The following TRIM14 variants were observed in gnomAD, a reference collection of about 807,000 sequenced individuals.
TRIM14 encodes tripartite motif-containing protein 14.
TRIM14 carries 28 observed loss-of-function variants against 44.5 expected under a neutral mutation model. The ratio of observed to expected loss-of-function variants is 0.63; its 90% confidence interval spans 0.47 to 0.86. TRIM14 has a LOEUF of 0.86. TRIM14 is among the 40% of genes least tolerant of loss of function. TRIM14 has a pLI of 0.00. For missense variants in TRIM14, 607 were observed against 611.1 expected, an observed-to-expected ratio of 0.99 and a Z score of 0.07; for synonymous variants, 299 against 269.2, an observed-to-expected ratio of 1.11 and a Z score of -1.08.
chr9:98,118,664 C>T (rs1010112506), intron 1 of TRIM14, among the ~76,000 whole-genome samples: 12 of 152,336 alleles, frequency 7.9e-5, no homozygotes, highest in Admixed American at 7.2e-4. Context: ...TCTTCCAGCC[C>T]AATGGCAGTG....
chr9:98,094,034 A>ACGCC (rs1485323163), intron 4 of TRIM14, among the ~76,000 whole-genome samples: 4 of 152,066 alleles, frequency 2.6e-5, no homozygotes, highest in African/African-American at 9.7e-5. Context: ...GTGAGCCACC[A>ACGCC]CGCCCGGCCT....
chr9:98,080,993 G>A (rs1048677960), downstream of TRIM14: 4 of 1,614,210 alleles, frequency 2.5e-6, no homozygotes, highest in Admixed American at 1.7e-5. Flanking sequence ...AGAACTGGCC[G>A]AGCTGGTGCG....
At chr9:98,060,274 C>T in the TRIM14 span, among the ~76,000 whole-genome samples, 2 of 152,188 alleles carry the variant, frequency 1.3e-5, no homozygotes, top group African/African-American at 4.8e-5. Flanking sequence ...GGAGGTCTCC[C>T]ATCTCCAAAC....
chr9:98,060,722 T>C, the TRIM14 span: 9 of 1,514,188 alleles, frequency 5.9e-6, 2 homozygotes, highest in South Asian at 1.0e-4. Flanking sequence ...GCTCCAGAAT[T>C]TTTTCCTTTT....
the TRIM14 span, among the ~76,000 whole-genome samples, chr9:98,063,838 C>A: frequency 6.6e-6 from 1 of 150,588 alleles, no homozygotes; most frequent in African/African-American, 2.4e-5. Context: ...CCACTGCACC[C>A]AGCCTGTTTT....
At chr9:98,105,817 G>GT (rs1205352745) in intron 2 of TRIM14, among the ~76,000 whole-genome samples, 2 of 152,108 alleles carry the variant, frequency 1.3e-5, no homozygotes, top group Admixed American at 1.3e-4. Flanking sequence ...CCTGCATCAA[G>GT]TCAGATCCAC....
intron 3 of TRIM14, among the ~76,000 whole-genome samples, chr9:98,099,707 A>G (rs2118440916): frequency 6.6e-6 from 1 of 152,316 alleles, no homozygotes; most frequent in African/African-American, 2.4e-5. Context: ...GGGCCTTTGA[A>G]ATTGGTGGCT....
rs1251450963 is a variant in TRIM14, at chr9:98,086,649, GAA to G, written c.*819_*820del. ...AAGCCTGCGGAAGACTGAGACAGGTGAAAAGACTTTTCTGCATGAATGTGCTG... is the reference window on the plus strand; with the variant it reads ...AAGCCTGCGGAAGACTGAGACAGGTGAAGACTTTTCTGCATGAATGTGCTG... On this transcript the variant is annotated 3_prime_UTR_variant, in exon 6 of 6. Transcript: ENST00000341469. 1.3e-5 allele frequency: 2 copies of G among 152,196 alleles called. No individual in the cohort carries two copies. Among genetic ancestry groups the G allele is most frequent in the Non-Finnish European group, 2.9e-5 (2 of 68,064 alleles). 9.4% of individuals were successfully genotyped at this position (152,196 alleles called of 1,614,324 possible). A position where few individuals can be genotyped will look rare whatever the true frequency, so the allele number is the denominator to read the frequency against.
chr9:98,072,285 A>C (rs1829372029), intron 6 of TRIM14, among the ~76,000 whole-genome samples: 1 of 152,132 alleles, frequency 6.6e-6, no homozygotes, highest in Non-Finnish European at 1.5e-5. Context: ...CTGTTCTGTG[A>C]CTCAGAACCC....
downstream of TRIM14, among the ~76,000 whole-genome samples, chr9:98,066,569 T>C (rs1304796612): frequency 6.6e-6 from 1 of 152,210 alleles, no homozygotes; most frequent in Non-Finnish European, 1.5e-5. Flanking sequence ...TAGAACATTT[T>C]TTATCACCCC....
intron 6 of TRIM14, among the ~76,000 whole-genome samples, chr9:98,072,018 T>G (rs765606514): frequency 7.2e-5 from 11 of 152,164 alleles, no homozygotes; most frequent in Non-Finnish European, 1.6e-4. Flanking sequence ...TCCTCCTTGG[T>G]TTTCCTTCCC....
intron 6 of TRIM14, among the ~76,000 whole-genome samples, chr9:98,070,275 G>A (rs887032074): frequency 3.9e-5 from 6 of 151,988 alleles, no homozygotes; most frequent in African/African-American, 1.5e-4. Flanking sequence ...ATGCCACCAT[G>A]CCCAGCTAAT....
chr9:98,107,690 G>A (rs143274386), intron 2 of TRIM14, among the ~76,000 whole-genome samples: 2,477 of 151,406 alleles, frequency 0.016, 75 homozygotes, highest in African/African-American at 0.057. Flanking sequence ...TTTTTAAGAT[G>A]GAGTCTCGCT....
In TRIM14 at chr9:98,109,948, T is replaced by C. The variant is rs1438922616; in HGVS notation, c.244A>G (p.Lys82Glu). ...SQECLKQLAI[K>E]KQQHIDNITQ... ...ATGTTGTCAATGTGCTGCTGCTTCTTGATTGCCAGCTGCTTTAAACATTCT... is the reference window on the plus strand; with the variant it reads ...ATGTTGTCAATGTGCTGCTGCTTCTCGATTGCCAGCTGCTTTAAACATTCT... Residue 82 changes from lysine (K) to glutamate (E), a missense_variant, in exon 2 of 6, where the codon AAG becomes GAG. By Grantham distance (56) the Lys-to-Glu change is moderately conservative. Transcript: ENST00000341469. 6.2e-7 allele frequency: 1 copy of C among 1,614,064 alleles called. No individual in the cohort carries two copies. Among genetic ancestry groups the C allele is most frequent in the East Asian group, 2.2e-5 (1 of 44,878 alleles).
chr9:98,043,214 A>G, the TRIM14 span, among the ~76,000 whole-genome samples: 96,295 of 150,840 alleles, frequency 0.64, 32,431 homozygotes, highest in African/African-American at 0.86. Flanking sequence ...ATCTCGCTCT[A>G]TTGCCCAGGC....
At chr9:98,039,428 TTAGTTTA>T in the TRIM14 span, among the ~76,000 whole-genome samples, 7 of 152,272 alleles carry the variant, frequency 4.6e-5, no homozygotes, top group East Asian at 1.2e-3. Context: ...TGGGAGAAAA[TTAGTTTA>T]TAGTTTAAAC....
chr9:98,102,820 T>C (rs1262117444), intron 2 of TRIM14, among the ~76,000 whole-genome samples: 2 of 152,078 alleles, frequency 1.3e-5, no homozygotes, highest in African/African-American at 4.8e-5. Context: ...TTTAAAATGG[T>C]TAAAATGGCA....
intron 3 of TRIM14, 32 bp downstream of exon 3, chr9:98,099,899 G>T: frequency 6.3e-7 from 1 of 1,587,488 alleles, no homozygotes; most frequent in South Asian, 1.1e-5. Flanking sequence ...GGTGGCAGGT[G>T]GCAGCAGTAA....
At chr9:98,037,541 G>A in the TRIM14 span, among the ~76,000 whole-genome samples, 1 of 152,208 alleles carries the variant, frequency 6.6e-6, no homozygotes, top group East Asian at 1.9e-4. Flanking sequence ...GGGTGGAGGA[G>A]TGGGGAGTGT....
Sources: gnomAD v4.1 joint callset for allele counts (sites outside exome capture counted in the v4.1 genomes callset) on GRCh38, gnomAD v4.1.1 for gene constraint, MANE v1.5 for transcripts, NCBI Gene and HGNC (gene_info 2026-07-23, HGNC 2026-07-21) for gene names.